Variants in ETV5 observed in about 807,000 individuals in gnomAD.
ETV5 encodes the protein ETS variant transcription factor 5.
ETV5 carries 10 observed loss-of-function variants against 70.0 expected under a neutral mutation model. The observed-to-expected ratio is 0.14, with a 90% confidence interval of 0.09 to 0.24. ETV5 has a LOEUF of 0.24. Among genes scored for constraint, ETV5 ranks in the 10% least tolerant of loss-of-function variants. ETV5 has a pLI of 1.00. For missense variants in ETV5, 453 were observed against 651.2 expected (o/e 0.70, Z 3.31); for synonymous variants, 216 against 242.2 (o/e 0.89, Z 1.01).
At chr3:186,049,295 G>T (rs1215440260) in intron 12 of ETV5, among the ~76,000 whole-genome samples, 2 of 152,220 alleles carry the variant, frequency 1.3e-5, no homozygotes. Context: ...AATCTGATGA[G>T]AGCGAGCCTG....
intron 8 of ETV5, among the ~76,000 whole-genome samples, chr3:186,064,796 G>T (rs551801888): frequency 6.6e-6 from 1 of 152,224 alleles, no homozygotes; most frequent in Non-Finnish European, 1.5e-5. Context: ...AAAAAATACT[G>T]GCTTTCAAAA....
intron 5 of ETV5, among the ~76,000 whole-genome samples, chr3:186,103,153 A>G (rs1714504009): frequency 6.6e-6 from 1 of 152,044 alleles, no homozygotes; most frequent in African/African-American, 2.4e-5. Context: ...CAGTTAAAAC[A>G]AAAAGTAAGC....
intron 12 of ETV5, among the ~76,000 whole-genome samples, chr3:186,050,505 G>A (rs960026920): frequency 2.0e-5 from 3 of 152,170 alleles, no homozygotes; most frequent in African/African-American, 7.2e-5. Flanking sequence ...GGAGGATAGA[G>A]GACAATGGGG....
chr3:186,072,969 T>C (rs1713680050), intron 7 of ETV5, among the ~76,000 whole-genome samples: 1 of 152,126 alleles, frequency 6.6e-6, no homozygotes, highest in South Asian at 2.1e-4. Context: ...CCACCTCTAC[T>C]GAAAATACAA....
rs1290502000 is a variant in ETV5 at position 186,054,451 on chromosome 3, C to T, written c.1210-2320G>A. 6.6e-6 allele frequency among the ~76,000 whole-genome samples: 1 copy of T among 152,164 alleles called. No homozygotes were observed. Among genetic ancestry groups the T allele is most frequent in the Non-Finnish European group, 1.5e-5 (1 of 68,030 alleles). Reference sequence around the variant, plus strand: ...ATCTGCCACATGTTCAACAAACAACCCTACCCCCCAAAATATTCATTAATG... The same window carrying T: ...ATCTGCCACATGTTCAACAAACAACTCTACCCCCCAAAATATTCATTAATG... On this transcript the variant is annotated intron_variant, in intron 11 of 12. Coordinates refer to ENST00000306376, the MANE Select transcript of ETV5 (RefSeq NM_004454.3). The surrounding 1 kb of genome is among the most constrained non-coding windows in gnomAD (Gnocchi z 4.4).
At chr3:186,103,716 C>T (rs1714522144) in intron 5 of ETV5, among the ~76,000 whole-genome samples, 1 of 152,042 alleles carries the variant, frequency 6.6e-6, no homozygotes, top group South Asian at 2.1e-4. Flanking sequence ...TTCCCAATCA[C>T]TCGAAAGCAA....
At chr3:186,062,479 G>A (rs1713328069) in intron 9 of ETV5, among the ~76,000 whole-genome samples, 1 of 152,160 alleles carries the variant, frequency 6.6e-6, no homozygotes, top group Admixed American at 6.5e-5. Context: ...AAAATTAGCT[G>A]GGCGTGGTGG....
rs538073711 is a variant in ETV5, at chr3:186,054,150, G to A, written c.1210-2019C>T. Among the ~76,000 whole-genome samples, 3 of 152,324 alleles carry A rather than the reference G, an allele frequency of 2.0e-5. No homozygotes were observed. The highest frequency in any genetic ancestry group is 4.1e-4 in the South Asian group (2 of 4,834). On this transcript the variant is annotated intron_variant, in intron 11 of 12. Transcript: ENST00000306376. The surrounding 1 kb of genome is among the most constrained non-coding windows in gnomAD (Gnocchi z 4.4). ...CCTGTGATTCTGTAGCCCTCACCAC[G>A]GCTGTTCCTTCTACAGTAATGCATG... is the stretch of plus-strand genomic sequence containing the variant.
rs570853102 is a variant in ETV5 at position 186,080,967 on chromosome 3, T to G, written c.362+79A>C. 18 of 1,503,818 alleles carry G rather than the reference T, an allele frequency of 1.2e-5. No homozygotes were observed. In the African/African-American group the frequency reaches 1.8e-4, roughly 15 times the overall value. 93.2% of individuals were successfully genotyped at this position (1,503,818 alleles called of 1,614,324 possible). Reference sequence around the variant, plus strand: ...ACAGGGTCTGCTGGGTAAGTAACACTGGGAAGGAACATTCAGCTTGATGGC... The same window carrying G: ...ACAGGGTCTGCTGGGTAAGTAACACGGGGAAGGAACATTCAGCTTGATGGC... On this transcript the variant is annotated intron_variant, in intron 6 of 12. Coordinates refer to ENST00000306376, the MANE Select transcript of ETV5 (RefSeq NM_004454.3).
At chr3:186,064,169 G>A in intron 9 of ETV5, 1 of 551,886 alleles carries the variant, frequency 1.8e-6, no homozygotes, top group African/African-American at 1.9e-5. Context: ...AGGGCTTAGG[G>A]GCATGCTTGA....
intron 9 of ETV5, among the ~76,000 whole-genome samples, chr3:186,060,934 A>C (rs1713288170): frequency 6.6e-6 from 1 of 152,200 alleles, no homozygotes; most frequent in African/African-American, 2.4e-5. Context: ...GCTTCTGTAG[A>C]AACATTCAGG....
intron 7 of ETV5, among the ~76,000 whole-genome samples, chr3:186,074,876 A>G (rs1222769866): frequency 6.7e-6 from 1 of 150,336 alleles, no homozygotes; most frequent in Non-Finnish European, 1.5e-5. Context: ...AAAAAAAAAA[A>G]AAAAAAGAAT....
chr3:186,052,206 G>T lies in ETV5; in HGVS notation c.1210-75C>A. 1 of 1,419,334 alleles carries T rather than the reference G, an allele frequency of 7.0e-7. No individual in the cohort carries two copies. Among genetic ancestry groups the T allele is most frequent in the Non-Finnish European group, 9.9e-7 (1 of 1,007,522 alleles). The allele number at this position is 1,419,334 out of a possible 1,614,324, so 87.9% of individuals were successfully genotyped here. ...CATGTTCTCTCCCAATCCCAGCAGAGCCAGTTCTGTAACCTGACTGCTTTG... is the reference window on the plus strand; with the variant it reads ...CATGTTCTCTCCCAATCCCAGCAGATCCAGTTCTGTAACCTGACTGCTTTG... On this transcript the variant is annotated intron_variant, in intron 11 of 12. Transcript: ENST00000306376. This position sits in a 1 kb window ranked among gnomAD's most constrained non-coding sequence, Gnocchi z 4.5.
At chr3:186,083,554 C>T (rs1026991663) in intron 5 of ETV5, among the ~76,000 whole-genome samples, 5 of 152,144 alleles carry the variant, frequency 3.3e-5, no homozygotes, top group Admixed American at 6.5e-5. Flanking sequence ...ATCTAAGCTG[C>T]CAGCGAATTC....
rs181745757 is a variant in ETV5, at chr3:186,071,839, C to A, written c.651-5767G>T. 1.9e-3 allele frequency among the ~76,000 whole-genome samples: 286 copies of A among 151,506 alleles called. 2 individuals are homozygous for A. The highest frequency in any genetic ancestry group is 5.6e-3 in the African/African-American group (233 of 41,462). ...TTGACATGGAGTGTCGCTCTGTCGT[C>A]CAGGCTGGAGTTCAGTGGCGCGATC... On this transcript the variant is annotated intron_variant, in intron 7 of 12. Transcript: ENST00000306376.
At chr3:186,050,641 G>T (rs1440465948) in intron 12 of ETV5, among the ~76,000 whole-genome samples, 1 of 152,178 alleles carries the variant, frequency 6.6e-6, no homozygotes, top group Non-Finnish European at 1.5e-5. Context: ...GAGAGGTAAG[G>T]TAGGGGACCA....
intron 1 of ETV5, chr3:186,108,472 C>G (rs939310730): frequency 2.2e-5 from 28 of 1,267,538 alleles, no homozygotes; most frequent in African/African-American, 1.8e-4. Context: ...TCATTTACCC[C>G]CTCCCGGTGC....
rs1713120051 is a variant in ETV5 at position 186,054,893 on chromosome 3, A to G, written c.1209+2182T>C. Reference sequence around the variant, plus strand: ...AACTGATCCTGGGTGAAGAGAAAGGAACATTTGGAGCTTAGGGAAAGCTTG... The same window carrying G: ...AACTGATCCTGGGTGAAGAGAAAGGGACATTTGGAGCTTAGGGAAAGCTTG... On this transcript the variant is annotated intron_variant, in intron 11 of 12. Coordinates refer to ENST00000306376, the MANE Select transcript of ETV5 (RefSeq NM_004454.3). The surrounding 1 kb of genome is among the most constrained non-coding windows in gnomAD (Gnocchi z 4.4). Among the ~76,000 whole-genome samples, 1 of 152,146 alleles carries G rather than the reference A, an allele frequency of 6.6e-6. No homozygotes were observed. The highest frequency in any genetic ancestry group is 2.1e-4 in the South Asian group (1 of 4,828).
At chr3:186,068,072 G>C (rs1713496092) in intron 7 of ETV5, among the ~76,000 whole-genome samples, 1 of 152,184 alleles carries the variant, frequency 6.6e-6, no homozygotes, top group Admixed American at 6.5e-5. Context: ...TTTCCTTTTA[G>C]CTTGGAAGAT....
Sources: allele counts gnomAD v4.1 joint callset (sites outside exome capture counted in the v4.1 genomes callset), GRCh38; gene constraint gnomAD v4.1.1; non-coding constraint Gnocchi (gnomAD v3.1); transcripts MANE v1.5; gene names NCBI Gene and HGNC (gene_info 2026-07-23, HGNC 2026-07-21).